The following RORB variants were observed in gnomAD, a reference collection of about 807,000 sequenced individuals.
The protein encoded by RORB is RAR related orphan receptor B.
A neutral mutation model predicts 59.1 loss-of-function variants in RORB; 6 were observed. That is an observed-to-expected ratio of 0.10 (90% CI 0.06 to 0.20). The LOEUF (loss-of-function observed/expected upper bound fraction) is 0.20. RORB is among the 10% of genes least tolerant of loss of function. RORB has a pLI of 1.00. For synonymous variants in RORB, 215 were observed against 204.5 expected (o/e 1.05, Z -0.44); for missense variants, 320 against 560.5 (o/e 0.57, Z 4.33).
At chr9:74,509,534 T>C (rs993755532) in intron 1 of RORB, among the ~76,000 whole-genome samples, 1 of 152,140 alleles carries the variant, frequency 6.6e-6, no homozygotes, top group African/African-American at 2.4e-5. Context: ...TTTTAGTTTG[T>C]GATGTGAATG....
At chr9:74,649,614 C>A (rs1823960373) in intron 4 of RORB, among the ~76,000 whole-genome samples, 1 of 152,150 alleles carries the variant, frequency 6.6e-6, no homozygotes, top group African/African-American at 2.4e-5. Context: ...AGATGGTCTA[C>A]AATCACCTAG....
chr9:74,514,618 A>T (rs943249688), intron 1 of RORB, among the ~76,000 whole-genome samples: 1 of 150,928 alleles, frequency 6.6e-6, no homozygotes, highest in Non-Finnish European at 1.5e-5. Context: ...TTTAAGCCTT[A>T]AGAGGATAAC....
intron 1 of RORB, among the ~76,000 whole-genome samples, chr9:74,539,585 T>G (rs533773761): frequency 1.3e-5 from 2 of 152,238 alleles, no homozygotes; most frequent in African/African-American, 4.8e-5. Flanking sequence ...CCAGAAAACG[T>G]TCTTGCCCTC....
At chr9:74,661,636 CTTTTTTT>C (rs779927558) in intron 5 of RORB, among the ~76,000 whole-genome samples, 22 of 79,590 alleles carry the variant, frequency 2.8e-4, no homozygotes, top group Admixed American at 3.3e-4. Context: ...TTCTTTTTTC[CTTTTTTT>C]TTTTTTTTTT....
chr9:74,595,461 A>G (rs1822956241), intron 1 of RORB, among the ~76,000 whole-genome samples: 1 of 152,230 alleles, frequency 6.6e-6, no homozygotes, highest in Non-Finnish European at 1.5e-5. Flanking sequence ...ACACTGTGCT[A>G]ACTTAATTTG....
chr9:74,670,528 T>C (rs1355539320), intron 8 of RORB, among the ~76,000 whole-genome samples: 1 of 152,212 alleles, frequency 6.6e-6, no homozygotes, highest in East Asian at 1.9e-4. Flanking sequence ...CATCATTAAA[T>C]TCTGAGAAGT....
chr9:74,573,051 C>T (rs1211128767), intron 1 of RORB, among the ~76,000 whole-genome samples: 1 of 152,138 alleles, frequency 6.6e-6, no homozygotes, highest in Admixed American at 6.5e-5. Flanking sequence ...CCCATTTTCC[C>T]AATCTACTAA....
At chr9:74,504,186 A>G (rs1825838684) in intron 1 of RORB, among the ~76,000 whole-genome samples, 2 of 152,068 alleles carry the variant, frequency 1.3e-5, no homozygotes, top group Non-Finnish European at 2.9e-5. Context: ...AGCAAGAATT[A>G]TTCAATATAT....
At chr9:74,634,047 G>A (rs556192936) in intron 2 of RORB, among the ~76,000 whole-genome samples, 4 of 148,456 alleles carry the variant, frequency 2.7e-5, no homozygotes, top group East Asian at 2.0e-4. Context: ...GAACTCTAGC[G>A]TGAACAGCAT....
chr9:74,591,214 A>G lies in RORB; in HGVS notation c.8-39068A>G, dbSNP rs114815691. 5.7e-3 allele frequency among the ~76,000 whole-genome samples: 861 copies of G among 152,316 alleles called. 6 individuals are homozygous for G. Among genetic ancestry groups the G allele is most frequent in the African/African-American group, 0.02 (831 of 41,562 alleles). Reference sequence around the variant, plus strand: ...AAAATTTCTAGTTGAGTTTTTGTAAAAAGGACCTTAGTGTAGACTGAACTT... The same window carrying G: ...AAAATTTCTAGTTGAGTTTTTGTAAGAAGGACCTTAGTGTAGACTGAACTT... On this transcript the variant is annotated intron_variant, in intron 1 of 9. Transcript: ENST00000376896.
intron 1 of RORB, among the ~76,000 whole-genome samples, chr9:74,512,732 A>G (rs895429478): frequency 6.6e-6 from 1 of 152,172 alleles, no homozygotes. Flanking sequence ...GGTTTTCCGA[A>G]TAGAATCACT....
chr9:74,665,414 C>A, intron 6 of RORB, 74 bp from the exon 7 acceptor site: 1 of 808,640 alleles, frequency 1.2e-6, no homozygotes, highest in Non-Finnish European at 1.9e-6. Flanking sequence ...TACCTATATG[C>A]AGTAATAATT....
Position 74,689,063 on chromosome 9 carries a change from T to C in RORB, c.*3445T>C, listed in dbSNP as rs1322317692. The stretch of plus-strand genomic sequence containing the variant: ...TTGACACCCGTATATGCCCGTACTG[T>C]CCATGACTCAACTAATCTCTTTGCC... On this transcript the variant is annotated 3_prime_UTR_variant, in exon 10 of 10. Coordinates refer to ENST00000376896, the MANE Select transcript of RORB (RefSeq NM_006914.4). The C allele has an allele frequency of 6.6e-6, 1 of 152,256 alleles. No individual in the cohort carries two copies. The highest frequency in any genetic ancestry group is 1.5e-5 in the Non-Finnish European group (1 of 68,092). 9.4% of individuals were successfully genotyped at this position (152,256 alleles called of 1,614,324 possible).
At chr9:74,525,795 C>G (rs900937222) in intron 1 of RORB, among the ~76,000 whole-genome samples, 1 of 151,928 alleles carries the variant, frequency 6.6e-6, no homozygotes, top group East Asian at 1.9e-4. Flanking sequence ...GAACCCTTTG[C>G]GTCCCGAAAT....
chr9:74,504,437 A>T (rs1825841786), intron 1 of RORB, among the ~76,000 whole-genome samples: 1 of 152,058 alleles, frequency 6.6e-6, no homozygotes, highest in Admixed American at 6.6e-5. Flanking sequence ...CAAAACGAAC[A>T]TCTTGCCTTC....
intron 7 of RORB, among the ~76,000 whole-genome samples, chr9:74,667,442 T>A (rs1368187842): frequency 1.3e-5 from 2 of 152,158 alleles, no homozygotes; most frequent in African/African-American, 4.8e-5. Context: ...TTGTAAAGGA[T>A]CCCCAAATCA....
rs1161240687 is a variant in RORB, at chr9:74,607,329, A to G, written c.8-22953A>G. 2.0e-5 allele frequency among the ~76,000 whole-genome samples: 3 copies of G among 152,192 alleles called. No individual in the cohort carries two copies. In the East Asian group the frequency reaches 5.8e-4, roughly 29 times the overall value. ...AAATGACTTCAGACTGCAAGGAGGTAGAACAAACATCATTAAGGCAGGATT... is the reference window on the plus strand; with the variant it reads ...AAATGACTTCAGACTGCAAGGAGGTGGAACAAACATCATTAAGGCAGGATT... On this transcript the variant is annotated intron_variant, in intron 1 of 9. Transcript: ENST00000376896.
At chr9:74,580,895 A>T (rs919068819) in intron 1 of RORB, among the ~76,000 whole-genome samples, 17 of 152,150 alleles carry the variant, frequency 1.1e-4, no homozygotes, top group African/African-American at 4.1e-4. Context: ...CCACAAATAA[A>T]TAAGGGGAAG....
chr9:74,685,348 C>A, intron 9 of RORB, 115 bp from the exon 10 acceptor site: 2 of 805,700 alleles, frequency 2.5e-6, no homozygotes, highest in Non-Finnish European at 3.6e-6. Context: ...TCTTTCTGAA[C>A]ATCTTTTTCC....
Sources: allele counts gnomAD v4.1 joint callset (sites outside exome capture counted in the v4.1 genomes callset), GRCh38; gene constraint gnomAD v4.1.1; transcripts MANE v1.5; gene names NCBI Gene and HGNC (gene_info 2026-07-23, HGNC 2026-07-21).